ADGRL3: variants seen among roughly 807,000 people sequenced by gnomAD.
ADGRL3 encodes adhesion G protein-coupled receptor L3, also known as calcium-independent alpha-latrotoxin receptor 3.
ADGRL3 carries 62 observed loss-of-function variants against 153.5 expected under a neutral mutation model. The observed-to-expected ratio is 0.40, with a 90% CI of 0.33 to 0.50. The LOEUF (loss-of-function observed/expected upper bound fraction) is 0.50. Among genes scored for constraint, ADGRL3 ranks in the 20% least tolerant of loss-of-function variants. ADGRL3 has a pLI of 0.47. For missense variants in ADGRL3, 1,641 were observed against 1,859.4 expected, an observed-to-expected ratio of 0.88 and a Z score of 2.16; for synonymous variants, 710 against 672.5, an observed-to-expected ratio of 1.06 and a Z score of -0.86.
chr4:61,634,080 A>G (rs2093310241), intron 5 of ADGRL3, among the ~76,000 whole-genome samples: 1 of 152,168 alleles, frequency 6.6e-6, no homozygotes, highest in South Asian at 2.1e-4. Flanking sequence ...TTAAAGTATG[A>G]GTATTGTTTT....
intron 4 of ADGRL3, among the ~76,000 whole-genome samples, chr4:61,530,333 T>C (rs1373182878): frequency 1.3e-5 from 2 of 151,822 alleles, no homozygotes; most frequent in Admixed American, 6.6e-5. Context: ...AGGACAACTA[T>C]ATGGACCAAT....
At position 61,377,137 on chromosome 4, in the gene ADGRL3, C is replaced by T. The variant is rs141930904; in HGVS notation, c.-239-5987C>T. 2.3e-3 allele frequency among the ~76,000 whole-genome samples: 348 copies of T among 152,124 alleles called. 5 individuals are homozygous for T. Among genetic ancestry groups the T allele is most frequent in the African/African-American group, 8.0e-3 (333 of 41,506 alleles). ...CTTCTTTTGCCTTTACCTTCCCTAT[C>T]ATATCCTATGGTATGGTATGGTAGG... On this transcript the variant is annotated intron_variant, in intron 1 of 26. Transcript: ENST00000683033.
At chr4:61,337,952 A>G (rs1389184580) in intron 1 of ADGRL3, among the ~76,000 whole-genome samples, 1 of 152,150 alleles carries the variant, frequency 6.6e-6, no homozygotes, top group Admixed American at 6.5e-5. Context: ...TAATACATTC[A>G]GAGTAGTACT....
chr4:62,028,689 C>T (rs1223094198), intron 21 of ADGRL3, among the ~76,000 whole-genome samples, 166 bp from the exon 22 acceptor site: 1 of 151,716 alleles, frequency 6.6e-6, no homozygotes. Flanking sequence ...TTTAAGTTCT[C>T]ATGGTCATTT....
At chr4:61,712,212 A>G (rs1462524501) in intron 6 of ADGRL3, among the ~76,000 whole-genome samples, 1 of 151,916 alleles carries the variant, frequency 6.6e-6, no homozygotes, top group Non-Finnish European at 1.5e-5. Flanking sequence ...TGGGCAACAT[A>G]TTGAGACCCT....
At chr4:61,535,788 C>T (rs1560800536) in intron 4 of ADGRL3, among the ~76,000 whole-genome samples, 1 of 151,644 alleles carries the variant, frequency 6.6e-6, no homozygotes, top group Non-Finnish European at 1.5e-5. Flanking sequence ...TGCTTTTTTC[C>T]ATCTTTTCTT....
At chr4:61,690,197 C>A (rs2095514857) in intron 6 of ADGRL3, among the ~76,000 whole-genome samples, 1 of 152,130 alleles carries the variant, frequency 6.6e-6, no homozygotes, top group Admixed American at 6.6e-5. Flanking sequence ...ATAATACCAG[C>A]ACTTTGGAAG....
rs143325989 is a variant in ADGRL3 at position 61,696,470 on chromosome 4, A to G, written c.583+19535A>G. Among the ~76,000 whole-genome samples, 1,420 of 152,208 alleles carry G rather than the reference A, an allele frequency of 9.3e-3. 10 individuals carry two copies. The highest frequency in any genetic ancestry group is 0.017 in the Middle Eastern group (5 of 292). On this transcript the variant is annotated intron_variant, in intron 6 of 26. Transcript: ENST00000683033. ...TTTACCAATACTATCAGATTAAGTC[A>G]TGATTTATTAATTTAACTATTTAGT...
chr4:61,789,843 A>C (rs2152427715), intron 8 of ADGRL3, among the ~76,000 whole-genome samples: 1 of 152,336 alleles, frequency 6.6e-6, no homozygotes, highest in African/African-American at 2.4e-5. Flanking sequence ...AATGTTGAAT[A>C]ATCAAAACTA....
chr4:61,749,418 T>C (rs1413488024), intron 8 of ADGRL3, among the ~76,000 whole-genome samples: 5 of 152,218 alleles, frequency 3.3e-5, no homozygotes. Context: ...CACATATGTT[T>C]ATTGTGGCAC....
chr4:61,332,375 T>A (rs961326499), intron 1 of ADGRL3, among the ~76,000 whole-genome samples: 2 of 152,202 alleles, frequency 1.3e-5, no homozygotes, highest in African/African-American at 4.8e-5. Context: ...GTGGACCAGT[T>A]ACTTCAATCT....
chr4:61,682,007 C>T (rs928119220), intron 6 of ADGRL3, among the ~76,000 whole-genome samples: 6 of 151,784 alleles, frequency 4.0e-5, no homozygotes, highest in African/African-American at 9.7e-5. Context: ...ATGGCTTCTC[C>T]AAAAGTACTG....
intron 2 of ADGRL3, among the ~76,000 whole-genome samples, chr4:61,481,841 G>GA (rs1016383363): frequency 1.3e-5 from 2 of 151,546 alleles, no homozygotes; most frequent in African/African-American, 2.4e-5. Context: ...AACATTTTTA[G>GA]AAAAAAATAT....
chr4:61,961,056 G>A (rs187700988), intron 17 of ADGRL3, among the ~76,000 whole-genome samples: 20 of 152,094 alleles, frequency 1.3e-4, no homozygotes, highest in Admixed American at 7.2e-4. Flanking sequence ...AGGTCTTTAC[G>A]TCTAACCCCT....
At chr4:61,806,209 T>C (rs140013246) in intron 8 of ADGRL3, among the ~76,000 whole-genome samples, 1,890 of 152,212 alleles carry the variant, frequency 0.012, 30 homozygotes, top group Non-Finnish European at 0.018. Context: ...TAGTTAGTCA[T>C]CACTGAATGT....
intron 4 of ADGRL3, among the ~76,000 whole-genome samples, chr4:61,524,836 T>C (rs1194897188): frequency 2.0e-5 from 3 of 152,162 alleles, no homozygotes; most frequent in African/African-American, 2.4e-5. Flanking sequence ...TAAATTCATT[T>C]ATTGTTAATA....
At chr4:61,438,285 T>C (rs1009268233) in intron 2 of ADGRL3, among the ~76,000 whole-genome samples, 2 of 152,090 alleles carry the variant, frequency 1.3e-5, no homozygotes, top group African/African-American at 4.8e-5. Context: ...CTGTATGTAC[T>C]TGAATCACTC....
chr4:61,862,693 G>A lies in ADGRL3; in HGVS notation c.1481-29963G>A, dbSNP rs115103433. ...GACGAGCAGCATTAGCATCCTCTGG[G>A]AACTTGTTAGAACTCCAGATTCATG... On this transcript the variant is annotated intron_variant, in intron 9 of 26. Transcript: ENST00000683033. Among the ~76,000 whole-genome samples the A allele has an allele frequency of 4.3e-4, 65 of 152,216 alleles. 1 individual carries two copies. The highest frequency in any genetic ancestry group is 1.5e-3 in the African/African-American group (63 of 41,532).
intron 5 of ADGRL3, among the ~76,000 whole-genome samples, chr4:61,673,980 G>T (rs972456908): frequency 3.3e-4 from 50 of 151,172 alleles, no homozygotes; most frequent in African/African-American, 1.2e-3. Context: ...TAATTAGAAG[G>T]CTTTCTTGAC....
Sources: allele counts gnomAD v4.1 joint callset (sites outside exome capture counted in the v4.1 genomes callset), GRCh38; gene constraint gnomAD v4.1.1; transcripts MANE v1.5; gene names NCBI Gene and HGNC (gene_info 2026-07-23, HGNC 2026-07-21).